The following CCDC6 variants were observed in gnomAD, a reference collection of about 807,000 sequenced individuals.
The protein encoded by CCDC6 is coiled-coil domain containing 6.
Under a neutral mutation model 56.6 loss-of-function variants are expected in CCDC6, and 20 were observed. The observed-to-expected ratio is 0.35, with a 90% CI of 0.25 to 0.51. CCDC6 has a LOEUF of 0.51. Among genes scored for constraint, CCDC6 ranks in the 20% least tolerant of loss-of-function variants. The pLI, the probability that CCDC6 is intolerant of heterozygous loss-of-function variation, is 0.95. For missense variants in CCDC6, 367 were observed against 601.1 expected, an observed-to-expected ratio of 0.61 and a Z score of 4.07; for synonymous variants, 241 against 234.4, an observed-to-expected ratio of 1.03 and a Z score of -0.26.
chr10:59,890,663 C>T (rs2071415174), intron 1 of CCDC6, among the ~76,000 whole-genome samples: 1 of 151,890 alleles, frequency 6.6e-6, no homozygotes, highest in South Asian at 2.1e-4. Context: ...CTAAATTGCC[C>T]CAGGTTCACA....
intron 1 of CCDC6, among the ~76,000 whole-genome samples, chr10:59,890,519 G>A (rs1431395769): frequency 6.6e-6 from 1 of 152,248 alleles, no homozygotes. Flanking sequence ...TCATTGAATT[G>A]AGAAGGAAAA....
At chr10:59,875,036 C>A (rs1624715) in intron 1 of CCDC6, among the ~76,000 whole-genome samples, 115,733 of 152,196 alleles carry the variant, frequency 0.76, 44,257 homozygotes, top group East Asian at 0.9. Flanking sequence ...TAATAAATGA[C>A]GGTGTATCCT....
At chr10:59,884,087 C>T (rs2071365844) in intron 1 of CCDC6, among the ~76,000 whole-genome samples, 1 of 152,142 alleles carries the variant, frequency 6.6e-6, no homozygotes, top group African/African-American at 2.4e-5. Flanking sequence ...GCATTTGGTA[C>T]TAAAAGCCAT....
At chr10:59,867,923 G>A (rs1034931893) in intron 1 of CCDC6, among the ~76,000 whole-genome samples, 1 of 152,018 alleles carries the variant, frequency 6.6e-6, no homozygotes, top group Non-Finnish European at 1.5e-5. Context: ...GAGTTGTCCT[G>A]CCCTTCCAGA....
chr10:59,860,936 T>A (rs1450100977), intron 1 of CCDC6, among the ~76,000 whole-genome samples: 1 of 152,138 alleles, frequency 6.6e-6, no homozygotes, highest in African/African-American at 2.4e-5. Flanking sequence ...GACTCATGTC[T>A]GTAATCTCAG....
intron 1 of CCDC6, among the ~76,000 whole-genome samples, chr10:59,891,454 T>G (rs536323027): frequency 4.1e-4 from 63 of 152,212 alleles, no homozygotes; most frequent in Non-Finnish European, 4.7e-4. Context: ...ACTGTACTTA[T>G]GGAAAGCAGT....
At chr10:59,904,552 C>A (rs963242565) in intron 1 of CCDC6, among the ~76,000 whole-genome samples, 1 of 152,190 alleles carries the variant, frequency 6.6e-6, no homozygotes, top group East Asian at 1.9e-4. Context: ...AACAACTTCC[C>A]TCTCTTCTTA....
chr10:59,866,233 A>T (rs904824088), intron 1 of CCDC6, among the ~76,000 whole-genome samples: 7 of 152,242 alleles, frequency 4.6e-5, no homozygotes, highest in Admixed American at 1.3e-4. Context: ...GAAAAGCAAC[A>T]TCATTAATCC....
At chr10:59,872,438 G>GGTA (rs756585663) in intron 1 of CCDC6, among the ~76,000 whole-genome samples, 1 of 152,156 alleles carries the variant, frequency 6.6e-6, no homozygotes, top group African/African-American at 2.4e-5. Flanking sequence ...GTAAGAAAAT[G>GGTA]GTAGCCAATT....
Position 59,874,599 on chromosome 10 carries a change from T to C in CCDC6, c.304-21897A>G, listed in dbSNP as rs551409988. On this transcript the variant is annotated intron_variant, in intron 1 of 8. Coordinates refer to ENST00000263102, the MANE Select transcript of CCDC6 (RefSeq NM_005436.5). ...AGAACCTATGAAAATGTTACTTACATGCAAAGGGGAATTAAGGGAACAGAT... is the reference window on the plus strand; with the variant it reads ...AGAACCTATGAAAATGTTACTTACACGCAAAGGGGAATTAAGGGAACAGAT... 7.9e-5 allele frequency among the ~76,000 whole-genome samples: 12 copies of C among 152,286 alleles called. No homozygotes were observed. The South Asian group carries it at 2.5e-3, about 32-fold the overall frequency.
chr10:59,895,429 T>G (rs1275691353), intron 1 of CCDC6, among the ~76,000 whole-genome samples: 3 of 152,214 alleles, frequency 2.0e-5, no homozygotes, highest in Non-Finnish European at 4.4e-5. Context: ...TCATGGGACC[T>G]CAGGCAAGTG....
intron 1 of CCDC6, among the ~76,000 whole-genome samples, chr10:59,860,056 T>G (rs1282538480): frequency 6.6e-6 from 1 of 152,000 alleles, no homozygotes; most frequent in African/African-American, 2.4e-5. Flanking sequence ...TACTCCAGTC[T>G]AGGCAACAGA....
intron 1 of CCDC6, among the ~76,000 whole-genome samples, chr10:59,892,322 T>C (rs1436908207): frequency 1.3e-5 from 2 of 152,220 alleles, no homozygotes; most frequent in Non-Finnish European, 2.9e-5. Flanking sequence ...CCAGATCTTT[T>C]AGGAAGTGTG....
At chr10:59,902,097 G>A (rs533742574) in intron 1 of CCDC6, among the ~76,000 whole-genome samples, 10 of 152,272 alleles carry the variant, frequency 6.6e-5, no homozygotes, top group South Asian at 6.2e-4. Flanking sequence ...TGCACTGGGC[G>A]CTTGTGGACA....
chr10:59,816,080 C>T (rs1228677300), intron 3 of CCDC6, among the ~76,000 whole-genome samples: 1 of 150,972 alleles, frequency 6.6e-6, no homozygotes, highest in East Asian at 1.9e-4. Context: ...TTAAGGAGCT[C>T]ACAGAGAGCA....
chr10:59,871,009 ATC>A (rs200657904), intron 1 of CCDC6, among the ~76,000 whole-genome samples: 1,930 of 152,320 alleles, frequency 0.013, 46 homozygotes, highest in African/African-American at 0.044. Context: ...AGTCAGTCAG[ATC>A]TATGTTTAGA....
intron 2 of CCDC6, among the ~76,000 whole-genome samples, chr10:59,841,910 G>A (rs993565874): frequency 2.0e-5 from 3 of 151,772 alleles, no homozygotes; most frequent in East Asian, 1.9e-4. Flanking sequence ...CTCATGATCC[G>A]CCAGCCTCAG....
intron 2 of CCDC6, among the ~76,000 whole-genome samples, chr10:59,848,338 T>C (rs1015671607): frequency 1.3e-5 from 2 of 152,230 alleles, no homozygotes; most frequent in South Asian, 2.1e-4. Context: ...ACCAGAAATA[T>C]GCAGTAGGAA....
At chr10:59,826,459 C>T (rs1350561487) in intron 3 of CCDC6, among the ~76,000 whole-genome samples, 1 of 152,130 alleles carries the variant, frequency 6.6e-6, no homozygotes, top group African/African-American at 2.4e-5. Flanking sequence ...TCTCTGCTGG[C>T]TAGGGGGCTG....
Sources: gnomAD v4.1 joint callset for allele counts (sites outside exome capture counted in the v4.1 genomes callset) on GRCh38, gnomAD v4.1.1 for gene constraint, MANE v1.5 for transcripts, NCBI Gene and HGNC (gene_info 2026-07-23, HGNC 2026-07-21) for gene names.